Variants in MYLK observed in about 807,000 individuals in gnomAD.
MYLK encodes the protein myosin light chain kinase, smooth muscle.
Under a neutral mutation model 203.4 loss-of-function variants are expected in MYLK, and 106 were observed. That is an observed-to-expected ratio of 0.52 (90% CI 0.45 to 0.61). The LOEUF is 0.61. Ranked by LOEUF, MYLK falls within the 20% of genes least tolerant of loss-of-function variation. MYLK has a pLI of 0.00. For synonymous variants in MYLK, 867 were observed against 959.5 expected (o/e 0.90, Z 1.78); for missense variants, 2,072 against 2,442.3 (o/e 0.85, Z 3.20).
At chr3:123,821,410 C>G (rs1454644198) in intron 3 of MYLK, among the ~76,000 whole-genome samples, 2 of 152,106 alleles carry the variant, frequency 1.3e-5, no homozygotes, top group African/African-American at 4.8e-5. Context: ...TGAATAAAAA[C>G]AACTTTTATC....
intron 8 of MYLK, chr3:123,735,753 A>G (rs1370116903): frequency 3.3e-6 from 1 of 302,088 alleles, no homozygotes; most frequent in African/African-American, 2.1e-5. Context: ...GTAACTTACC[A>G]GTGTACAGAA....
chr3:123,811,350 T>G (rs1286154356), intron 3 of MYLK, among the ~76,000 whole-genome samples: 1 of 152,170 alleles, frequency 6.6e-6, no homozygotes, highest in Non-Finnish European at 1.5e-5. Flanking sequence ...TTAGCTGCAC[T>G]CATACCTGGC....
rs1576847488 is a variant in MYLK, at chr3:123,752,330, C to T, written c.373+1G>A. 6.2e-7 allele frequency: 1 copy of T among 1,613,948 alleles called. No homozygotes were observed. The highest frequency in any genetic ancestry group is 1.7e-4 in the Middle Eastern group (1 of 5,868). ...CTGGACTCGGGCCTCCTGGGACTCACCTTCTACTGTCAACTCCACTGTCAC... is the reference window on the plus strand; with the variant it reads ...CTGGACTCGGGCCTCCTGGGACTCATCTTCTACTGTCAACTCCACTGTCAC... On this transcript the variant is annotated splice_donor_variant, in intron 5 of 33. Transcript: ENST00000360304. LOFTEE classifies it high-confidence loss of function.
chr3:123,671,610 C>T (rs2059915404), intron 20 of MYLK, among the ~76,000 whole-genome samples: 1 of 152,124 alleles, frequency 6.6e-6, no homozygotes, highest in African/African-American at 2.4e-5. Context: ...AGAGGAGATT[C>T]TTGAGCAAAC....
rs888779088 is a variant in MYLK at position 123,610,174 on chromosome 3, G to A, written c.*3931C>T. On this transcript the variant is annotated 3_prime_UTR_variant, in exon 34 of 34. Transcript: ENST00000360304. ...GAAAAGTGATGTACATGTGACTGTC[G>A]AGCATTTGAAATGTAACTCATACAA... 6 of 152,046 alleles carry A rather than the reference G, an allele frequency of 3.9e-5. No homozygotes were observed. The highest frequency in any genetic ancestry group is 2.6e-4 in the Admixed American group (4 of 15,274). 9.4% of individuals were successfully genotyped at this position (152,046 alleles called of 1,614,324 possible). A position where few individuals can be genotyped will look rare whatever the true frequency, so the allele number is the denominator to read the frequency against.
chr3:123,874,194 A>AT (rs1418081271), intron 2 of MYLK, among the ~76,000 whole-genome samples: 2 of 152,164 alleles, frequency 1.3e-5, no homozygotes. Context: ...AGCCAAAACT[A>AT]TTTTGAAAAG....
At position 123,640,516 on chromosome 3, in the gene MYLK, C is replaced by G; in HGVS notation, c.4620-12G>C. On this transcript the variant is annotated splice_polypyrimidine_tract_variant and intron_variant, in intron 27 of 33. Coordinates refer to ENST00000360304, the MANE Select transcript of MYLK (RefSeq NM_053025.4). This position sits in a 1 kb window ranked among gnomAD's most constrained non-coding sequence, Gnocchi z 4.3. ...CCCCTCCTGACACGCTGCGGGAACACGTGCACGGGGTGGTCAGGCCACAGG... is the reference window on the plus strand; with the variant it reads ...CCCCTCCTGACACGCTGCGGGAACAGGTGCACGGGGTGGTCAGGCCACAGG... The G allele has an allele frequency of 6.2e-7, 1 of 1,613,576 alleles. No individual in the cohort carries two copies.
chr3:123,649,289 A>G (rs1468420256), intron 24 of MYLK, 95 bp from the exon 25 acceptor site: 6 of 1,528,682 alleles, frequency 3.9e-6, no homozygotes, highest in Non-Finnish European at 5.4e-6. Context: ...GCCAGGCCTC[A>G]GCCTCCCCAG....
chr3:123,732,343 A>C (rs1342615906), intron 11 of MYLK, among the ~76,000 whole-genome samples: 1 of 152,256 alleles, frequency 6.6e-6, no homozygotes, highest in Admixed American at 6.5e-5. Context: ...TTGTATAAAA[A>C]GATGTTAATA....
At position 123,678,408 on chromosome 3, in the gene MYLK, A is replaced by G. The variant is rs555340211; in HGVS notation, c.3652+3816T>C. Among the ~76,000 whole-genome samples, 25 of 152,118 alleles carry G rather than the reference A, an allele frequency of 1.6e-4. No individual in the cohort carries two copies. In the East Asian group the frequency reaches 4.3e-3, roughly 26 times the overall value. The stretch of plus-strand genomic sequence containing the variant: ...CACCTCCCTCCTGCACTTGTGAGTC[A>G]GTGTCTGGCCGGTTAACTTGTACTT... On this transcript the variant is annotated intron_variant, in intron 20 of 33. Coordinates refer to ENST00000360304, the MANE Select transcript of MYLK (RefSeq NM_053025.4).
At chr3:123,673,053 G>C (rs575474889) in intron 20 of MYLK, among the ~76,000 whole-genome samples, 3 of 152,100 alleles carry the variant, frequency 2.0e-5, no homozygotes, top group Non-Finnish European at 4.4e-5. Context: ...AATGGGATCT[G>C]AGCCTCCTGC....
At chr3:123,753,703 A>G (rs2063277643) in intron 4 of MYLK, among the ~76,000 whole-genome samples, 1 of 152,120 alleles carries the variant, frequency 6.6e-6, no homozygotes, top group Admixed American at 6.6e-5. Context: ...TTCAGAATTA[A>G]CTCATCTTTG....
At chr3:123,643,122 G>A (rs1401241382) in intron 27 of MYLK, among the ~76,000 whole-genome samples, 1 of 152,136 alleles carries the variant, frequency 6.6e-6, no homozygotes, top group Non-Finnish European at 1.5e-5. Flanking sequence ...GGGCATCCAT[G>A]GCCTTATGTC....
intron 11 of MYLK, among the ~76,000 whole-genome samples, chr3:123,729,965 G>T (rs2062419978): frequency 6.6e-6 from 1 of 151,628 alleles, no homozygotes; most frequent in Non-Finnish European, 1.5e-5. Context: ...AGTGGCTCAT[G>T]CTTATAATCC....
At chr3:123,668,052 G>T (rs889868761) in intron 20 of MYLK, among the ~76,000 whole-genome samples, 2 of 152,158 alleles carry the variant, frequency 1.3e-5, no homozygotes, top group Non-Finnish European at 2.9e-5. Flanking sequence ...TGAGAAAAAT[G>T]ACTCAAACAG....
At chr3:123,618,606 T>C in intron 33 of MYLK, 33 bp downstream of exon 33, 1 of 1,613,098 alleles carries the variant, frequency 6.2e-7, no homozygotes, top group South Asian at 1.1e-5. Context: ...CCACACCCTA[T>C]TCATGGTGAA....
intron 16 of MYLK, 67 bp from the exon 17 acceptor site, chr3:123,701,576 C>G (rs1395746341): frequency 1.3e-6 from 2 of 1,519,578 alleles, no homozygotes; most frequent in African/African-American, 2.7e-5. Context: ...TCAGTGTGGA[C>G]TTGATCACAG....
At chr3:123,672,175 G>A (rs745316311) in intron 20 of MYLK, among the ~76,000 whole-genome samples, 2 of 150,772 alleles carry the variant, frequency 1.3e-5, no homozygotes, top group Non-Finnish European at 2.9e-5. Flanking sequence ...TATAAGAAGA[G>A]ATTAGGAAGA....
chr3:123,720,854 AC>A (rs996379569), intron 13 of MYLK, among the ~76,000 whole-genome samples: 1 of 152,164 alleles, frequency 6.6e-6, no homozygotes, highest in African/African-American at 2.4e-5. Context: ...AGGGACTGAC[AC>A]TGCCCAGCCC....
Sources: gnomAD v4.1 joint callset for allele counts (sites outside exome capture counted in the v4.1 genomes callset) on GRCh38, gnomAD v4.1.1 for gene constraint, Gnocchi (gnomAD v3.1) non-coding constraint, MANE v1.5 for transcripts, NCBI Gene and HGNC (gene_info 2026-07-23, HGNC 2026-07-21) for gene names.